EPB41L4A: variants seen among roughly 807,000 people sequenced by gnomAD.
EPB41L4A encodes the protein band 4.1-like protein 4A.
Under a neutral mutation model 108.6 loss-of-function variants are expected in EPB41L4A, and 100 were observed. The ratio of observed to expected loss-of-function variants is 0.92; its 90% CI spans 0.78 to 1.09. The LOEUF is 1.09. Ranked by LOEUF, EPB41L4A falls within the 50% of genes least tolerant of loss-of-function variation. The probability of loss-of-function intolerance (pLI) is 0.00; values close to 1 mark genes in which losing one functional copy is unlikely to be tolerated. For synonymous variants in EPB41L4A, 319 were observed against 289.0 expected, an observed-to-expected ratio of 1.10 and a Z score of -1.05; for missense variants, 1,030 against 842.7, an observed-to-expected ratio of 1.22 and a Z score of -2.75.
At chr5:112,366,219 T>C (rs1426251802) in intron 1 of EPB41L4A, among the ~76,000 whole-genome samples, 1 of 151,892 alleles carries the variant, frequency 6.6e-6, no homozygotes, top group Non-Finnish European at 1.5e-5. Context: ...AGCTCCACTC[T>C]CCTCTCCTTT....
intron 3 of EPB41L4A, among the ~76,000 whole-genome samples, chr5:112,277,642 A>G (rs1248725429): frequency 1.3e-5 from 2 of 152,222 alleles, no homozygotes; most frequent in East Asian, 3.8e-4. Flanking sequence ...TCTAGGGCTC[A>G]GCACTTTGGG....
rs539660677 is a variant in EPB41L4A, at chr5:112,239,376, T to C, written c.965+284A>G. On this transcript the variant is annotated intron_variant, in intron 11 of 22. Transcript: ENST00000261486. ...TTGTTTCATAATCACAAAACACACA[T>C]AATTAAAAATAAGTGATAACTGTGT... Among the ~76,000 whole-genome samples, 4 of 152,244 alleles carry C rather than the reference T, an allele frequency of 2.6e-5. No homozygotes were observed. The South Asian group carries it at 8.3e-4, about 32-fold the overall frequency.
At position 112,150,256 on chromosome 5, in the gene EPB41L4A, AAAC is replaced by A. The variant is rs142750854; in HGVS notation, n.995-4261_995-4259del. ...AAATGGTTATCACAAATTAATTTCCAAACAACATCAGTTCACATTGAAAAAGAA... is the reference window on the plus strand; with the variant it reads ...AAATGGTTATCACAAATTAATTTCCAAACATCAGTTCACATTGAAAAAGAA... On this transcript the variant is annotated intron_variant and non_coding_transcript_variant, in intron 12 of 13. Transcript: ENST00000507810. Among the ~76,000 whole-genome samples the A allele has an allele frequency of 1.9e-3, 285 of 152,300 alleles. 1 individual carries two copies. The highest frequency in any genetic ancestry group is 6.3e-3 in the African/African-American group (262 of 41,560).
intron 12 of EPB41L4A, among the ~76,000 whole-genome samples, chr5:112,151,731 C>CTTT (rs113895586): frequency 6.8e-6 from 1 of 147,582 alleles, no homozygotes; most frequent in African/African-American, 2.5e-5. Flanking sequence ...TATATTTAGT[C>CTTT]TTTTTTTTTT....
intron 5 of EPB41L4A, 88 bp downstream of exon 5, chr5:112,266,145 G>A (rs1249959144): frequency 2.2e-6 from 2 of 912,848 alleles, no homozygotes; most frequent in Non-Finnish European, 3.3e-6. Context: ...TCATGGATAA[G>A]AAGAGTTTTA....
intron 1 of EPB41L4A, among the ~76,000 whole-genome samples, chr5:112,345,192 T>C (rs996269533): frequency 6.6e-6 from 1 of 152,190 alleles, no homozygotes; most frequent in East Asian, 1.9e-4. Flanking sequence ...CCCCCAAGCA[T>C]AGATTCTCGA....
chr5:112,239,670 G>A lies in EPB41L4A; in HGVS notation c.955C>T (p.His319Tyr), dbSNP rs1431646443. ...LSKFGSIRYKHRYSGRTALQM... is the reference protein window; with the variant it reads ...LSKFGSIRYKYRYSGRTALQM... ...AAAAATGTCATTTACCTGTAGCGGT[G>A]CTTATAACGTATGGATCCAAACTTG... Residue 319 changes from histidine to tyrosine, a missense_variant, in exon 11 of 23, where the codon CAC becomes TAC. Transcript: ENST00000261486. 3 of 1,603,078 alleles carry A rather than the reference G, an allele frequency of 1.9e-6. No individual in the cohort carries two copies. The highest frequency in any genetic ancestry group is 2.6e-6 in the Non-Finnish European group (3 of 1,174,730).
intron 5 of EPB41L4A, among the ~76,000 whole-genome samples, chr5:112,265,342 T>C (rs898185184): frequency 1.3e-5 from 2 of 152,224 alleles, no homozygotes; most frequent in Non-Finnish European, 2.9e-5. Flanking sequence ...TTAGAAATGC[T>C]GGAAGTGAAA....
chr5:112,202,743 C>T (rs1663619394), intron 15 of EPB41L4A, among the ~76,000 whole-genome samples: 1 of 152,086 alleles, frequency 6.6e-6, no homozygotes, highest in African/African-American at 2.4e-5. Context: ...GGGGGCAAAG[C>T]TCTGGGAAAC....
rs183969108 is a variant in EPB41L4A, at chr5:112,361,559, A to G, written c.100-54069T>C. 2.6e-3 allele frequency among the ~76,000 whole-genome samples: 297 copies of G among 115,306 alleles called. 1 individual carries two copies. The highest frequency in any genetic ancestry group is 3.2e-3 in the Non-Finnish European group (173 of 54,578). The allele number at this position is 115,306 out of a possible 152,430, so 75.6% of individuals were successfully genotyped here. A position where few individuals can be genotyped will look rare whatever the true frequency, so the allele number is the denominator to read the frequency against. On this transcript the variant is annotated intron_variant, in intron 1 of 22. Transcript: ENST00000261486. ...AAAAAGAATAAAAAGAAAAAGGGAT[A>G]TCATTTAAACACAGTATGTAGAAAA...
intron 2 of EPB41L4A, among the ~76,000 whole-genome samples, chr5:112,298,642 T>C (rs1754163860): frequency 6.6e-6 from 1 of 152,014 alleles, no homozygotes; most frequent in Non-Finnish European, 1.5e-5. Flanking sequence ...TGGTCTGTAG[T>C]TTTCTTTGTT....
chr5:112,272,777 G>A (rs1251481922), intron 4 of EPB41L4A, among the ~76,000 whole-genome samples: 7 of 32,590 alleles, frequency 2.1e-4, no homozygotes, highest in South Asian at 3.4e-3. Flanking sequence ...GCAAAACTCC[G>A]TCTCAAAAAA....
At chr5:112,250,943 C>T (rs1234032138) in intron 9 of EPB41L4A, among the ~76,000 whole-genome samples, 1 of 152,164 alleles carries the variant, frequency 6.6e-6, no homozygotes, top group Non-Finnish European at 1.5e-5. Context: ...CCTCACTTTA[C>T]AGATTACGAA....
At chr5:112,409,939 C>T (rs964129357) in intron 1 of EPB41L4A, among the ~76,000 whole-genome samples, 1 of 152,152 alleles carries the variant, frequency 6.6e-6, no homozygotes, top group East Asian at 1.9e-4. Context: ...AAAGCCTATG[C>T]CCTCTTCACC....
At chr5:112,375,527 C>T (rs1397467547) in intron 1 of EPB41L4A, among the ~76,000 whole-genome samples, 1 of 151,954 alleles carries the variant, frequency 6.6e-6, no homozygotes, top group African/African-American at 2.4e-5. Flanking sequence ...ACCAAGATGG[C>T]AGAGATGTTA....
chr5:112,325,677 A>T lies in EPB41L4A; in HGVS notation c.100-18187T>A, dbSNP rs74490480. On this transcript the variant is annotated intron_variant, in intron 1 of 22. Coordinates refer to ENST00000261486, the MANE Select transcript of EPB41L4A (RefSeq NM_022140.5). ...TCATTTCAAAGCCAAAGAACAGCAC[A>T]GACCAATGTTCAGAGGTAGCTGAAG... Among the ~76,000 whole-genome samples, 1,073 of 152,330 alleles carry T rather than the reference A, an allele frequency of 7.0e-3. 18 individuals carry two copies. The highest frequency in any genetic ancestry group is 0.025 in the African/African-American group (1,047 of 41,574).
intron 14 of EPB41L4A, 133 bp from the exon 15 acceptor site, chr5:112,204,621 T>C (rs965857718): frequency 7.7e-6 from 4 of 520,888 alleles, no homozygotes; most frequent in Non-Finnish European, 7.0e-6. Flanking sequence ...GTGGTTCTCT[T>C]TGCTGACAAG....
chr5:112,179,637 C>G (rs780572450), intron 18 of EPB41L4A, among the ~76,000 whole-genome samples: 1 of 152,146 alleles, frequency 6.6e-6, no homozygotes, highest in Non-Finnish European at 1.5e-5. Context: ...ATGATCAAAA[C>G]TCTTCACTAA....
chr5:112,390,308 C>G (rs549984627), intron 1 of EPB41L4A, among the ~76,000 whole-genome samples: 3 of 152,320 alleles, frequency 2.0e-5, no homozygotes, highest in African/African-American at 7.2e-5. Flanking sequence ...GAAGCCGTGA[C>G]AGACTGTACC....
Sources: gnomAD v4.1 joint callset for allele counts (sites outside exome capture counted in the v4.1 genomes callset) on GRCh38, gnomAD v4.1.1 for gene constraint, MANE v1.5 for transcripts, NCBI Gene and HGNC (gene_info 2026-07-23, HGNC 2026-07-21) for gene names.